Variants in DIAPH3 observed in about 807,000 individuals in gnomAD.
The protein encoded by DIAPH3 is protein diaphanous homolog 3.
In DIAPH3, 117 loss-of-function variants were observed where a neutral mutation model predicts 144.3. The ratio of observed to expected loss-of-function variants is 0.81; its 90% CI spans 0.70 to 0.95. DIAPH3 has a LOEUF of 0.95. DIAPH3 is among the 40% of genes least tolerant of loss of function. The pLI, the probability that DIAPH3 is intolerant of heterozygous loss-of-function variation, is 0.00. For synonymous variants in DIAPH3, 519 were observed against 488.9 expected (o/e 1.06, Z -0.81); for missense variants, 1,421 against 1,412.7 (o/e 1.01, Z -0.09).
At chr13:60,062,973 T>A (rs1056158018) in intron 4 of DIAPH3, among the ~76,000 whole-genome samples, 15 of 152,210 alleles carry the variant, frequency 9.9e-5, no homozygotes, top group Admixed American at 9.2e-4. Flanking sequence ...TGTGGCAATT[T>A]CTTAAAATCA....
chr13:59,991,217 C>T lies in DIAPH3; in HGVS notation c.1302G>A (p.Glu434=), dbSNP rs771233008. The change falls in exon 12 of 28, where the codon GAG becomes GAA. Residue 434 remains glutamate, a synonymous_variant. Transcript: ENST00000400324. ...VWSTVKETRA[E]GYFISILQHL... ...GCTGAAGAATAGAAATAAAATATCC[C>T]TCTGCTCTAGTTTCTTTAACTGTGC... The T allele has an allele frequency of 2.5e-6, 4 of 1,611,336 alleles. No homozygotes were observed. In the Admixed American group the frequency reaches 5.0e-5, roughly 20 times the overall value.
intron 16 of DIAPH3, among the ~76,000 whole-genome samples, 199 bp from the exon 17 acceptor site, chr13:59,970,257 ATGATC>A: frequency 6.6e-6 from 1 of 152,354 alleles, no homozygotes; most frequent in Admixed American, 6.5e-5. Context: ...AAAGGCTTCC[ATGATC>A]CAATAGTTGA....
chr13:59,913,945 C>G (rs1476862021), intron 19 of DIAPH3, among the ~76,000 whole-genome samples: 1 of 151,548 alleles, frequency 6.6e-6, no homozygotes, highest in Non-Finnish European at 1.5e-5. Flanking sequence ...TTGACAGTCT[C>G]ACTCTGTCTC....
intron 17 of DIAPH3, among the ~76,000 whole-genome samples, chr13:59,952,069 CA>C (rs1294370456): frequency 6.6e-6 from 1 of 152,116 alleles, no homozygotes; most frequent in Non-Finnish European, 1.5e-5. Flanking sequence ...GAATATTATT[CA>C]ACCATTAAAA....
chr13:59,933,980 T>G (rs2048145747), intron 17 of DIAPH3, among the ~76,000 whole-genome samples: 1 of 152,220 alleles, frequency 6.6e-6, no homozygotes, highest in Admixed American at 6.5e-5. Flanking sequence ...TTTTCCATTA[T>G]GTACTAATCA....
chr13:59,984,168 A>G (rs962142098), intron 12 of DIAPH3, among the ~76,000 whole-genome samples: 5 of 151,706 alleles, frequency 3.3e-5, no homozygotes, highest in African/African-American at 1.2e-4. Context: ...AATTAGCTGA[A>G]AGTGAAGTGA....
chr13:60,027,209 G>A (rs1555360263), intron 5 of DIAPH3, among the ~76,000 whole-genome samples: 1 of 152,178 alleles, frequency 6.6e-6, no homozygotes, highest in Non-Finnish European at 1.5e-5. Context: ...TGTGGGGCAA[G>A]ACAAACATAC....
intron 3 of DIAPH3, among the ~76,000 whole-genome samples, chr13:60,110,954 T>C (rs2058550724): frequency 6.6e-6 from 1 of 152,140 alleles, no homozygotes; most frequent in East Asian, 1.9e-4. Flanking sequence ...TTTTAACTTG[T>C]GGAAATAAAA....
At chr13:59,785,094 AGTC>A (rs2038963580) in intron 25 of DIAPH3, among the ~76,000 whole-genome samples, 1 of 152,212 alleles carries the variant, frequency 6.6e-6, no homozygotes. Flanking sequence ...AATTTATTTG[AGTC>A]AAGGGAGTTA....
chr13:59,741,703 C>CAAAAAAAAAA (rs756556231), intron 27 of DIAPH3, among the ~76,000 whole-genome samples: 77 of 93,662 alleles, frequency 8.2e-4, no homozygotes, highest in South Asian at 2.6e-3. Flanking sequence ...GGCAACAAAG[C>CAAAAAAAAAA]AAAAAAAAAA....
At chr13:59,911,942 G>T in intron 19 of DIAPH3, 106 bp from the exon 20 acceptor site, 1 of 930,578 alleles carries the variant, frequency 1.1e-6, no homozygotes, top group Non-Finnish European at 1.6e-6. Flanking sequence ...TTAATCTTCA[G>T]TTTTATTTCT....
At chr13:60,122,540 G>T (rs2138154592) in intron 2 of DIAPH3, among the ~76,000 whole-genome samples, 1 of 152,264 alleles carries the variant, frequency 6.6e-6, no homozygotes, top group Admixed American at 6.5e-5. Flanking sequence ...ATTAATATTT[G>T]TTAAGTGAAT....
chr13:60,089,239 G>GC (rs2057851099), intron 4 of DIAPH3, among the ~76,000 whole-genome samples: 1 of 152,134 alleles, frequency 6.6e-6, no homozygotes, highest in South Asian at 2.1e-4. Context: ...AGTGAAGGCA[G>GC]CAACTCTATT....
chr13:60,099,426 C>G (rs1325484913), intron 3 of DIAPH3, among the ~76,000 whole-genome samples: 1 of 152,000 alleles, frequency 6.6e-6, no homozygotes, highest in Non-Finnish European at 1.5e-5. Flanking sequence ...GCACAATATC[C>G]AAAAAATGCT....
At chr13:59,937,597 A>G (rs2048326444) in intron 17 of DIAPH3, among the ~76,000 whole-genome samples, 1 of 152,236 alleles carries the variant, frequency 6.6e-6, no homozygotes, top group East Asian at 1.9e-4. Flanking sequence ...AAAACAGAAC[A>G]CAATCATCAA....
rs116982546 is a variant in DIAPH3, at chr13:59,958,257, A to G, written c.2074+11687T>C. 2.3e-3 allele frequency among the ~76,000 whole-genome samples: 355 copies of G among 152,280 alleles called. 4 individuals are homozygous for G. The highest frequency in any genetic ancestry group is 3.5e-3 in the Non-Finnish European group (239 of 67,994). ...AAAATTATATATATTCATATCCATT[A>G]TTAGGTCTGCGTAACATTTGAACTA... On this transcript the variant is annotated intron_variant, in intron 17 of 27. Transcript: ENST00000400324.
At chr13:59,962,062 T>G (rs2049795073) in intron 17 of DIAPH3, among the ~76,000 whole-genome samples, 1 of 152,134 alleles carries the variant, frequency 6.6e-6, no homozygotes, top group South Asian at 2.1e-4. Flanking sequence ...AATATTTCAT[T>G]ACATGTATTG....
chr13:59,758,953 A>ATTTTTTTT (rs915956860), intron 27 of DIAPH3, among the ~76,000 whole-genome samples: 6 of 130,144 alleles, frequency 4.6e-5, no homozygotes, highest in Non-Finnish European at 8.2e-5. Flanking sequence ...CTAATTTTGA[A>ATTTTTTTT]TTTTTTTTTT....
intron 4 of DIAPH3, among the ~76,000 whole-genome samples, chr13:60,053,058 T>C (rs1352890144): frequency 6.6e-6 from 1 of 151,166 alleles, no homozygotes; most frequent in South Asian, 2.1e-4. Flanking sequence ...GAGAGACTAT[T>C]TTTCAACACA....
Sources: allele counts gnomAD v4.1 joint callset (sites outside exome capture counted in the v4.1 genomes callset), GRCh38; gene constraint gnomAD v4.1.1; transcripts MANE v1.5; gene names NCBI Gene and HGNC (gene_info 2026-07-23, HGNC 2026-07-21).